Variants in MAP9 observed in about 807,000 individuals in gnomAD.
MAP9 encodes the protein microtubule-associated protein 9.
A neutral mutation model predicts 75.2 loss-of-function variants in MAP9; 80 were observed. The ratio of observed to expected loss-of-function variants is 1.06; its 90% CI spans 0.89 to 1.28. MAP9 has a LOEUF of 1.28. Ranked by LOEUF, MAP9 falls within the 50% of genes most tolerant of loss-of-function variation. The pLI, the probability that MAP9 is intolerant of heterozygous loss-of-function variation, is 0.00. For synonymous variants in MAP9, 235 were observed against 237.3 expected, an observed-to-expected ratio of 0.99 and a Z score of 0.09; for missense variants, 753 against 719.9, an observed-to-expected ratio of 1.05 and a Z score of -0.53.
chr4:155,369,069 T>C (rs1286276871), intron 4 of MAP9, among the ~76,000 whole-genome samples: 2 of 152,126 alleles, frequency 1.3e-5, no homozygotes, highest in Non-Finnish European at 2.9e-5. Flanking sequence ...ACGCCTGTAA[T>C]CCCAGCACGT....
At chr4:155,367,234 G>T (rs902918780) in intron 5 of MAP9, 2 of 152,196 alleles carry the variant, frequency 1.3e-5, no homozygotes, top group Non-Finnish European at 2.9e-5. Flanking sequence ...AATGCCTGGT[G>T]TCTTTTTTTA....
At chr4:155,375,257 G>A (rs1450431696) in intron 2 of MAP9, among the ~76,000 whole-genome samples, 1 of 152,150 alleles carries the variant, frequency 6.6e-6, no homozygotes, top group Non-Finnish European at 1.5e-5. Context: ...TTAACTAGAG[G>A]AGACACACAT....
At chr4:155,358,635 G>A (rs1731914551) in intron 7 of MAP9, among the ~76,000 whole-genome samples, 1 of 151,980 alleles carries the variant, frequency 6.6e-6, no homozygotes. Context: ...ATAGCACTCA[G>A]GCACAATTTA....
At chr4:155,375,942 C>T (rs1412026567) in intron 1 of MAP9, 28 bp from the exon 2 acceptor site, 2 of 815,760 alleles carry the variant, frequency 2.5e-6, no homozygotes, top group South Asian at 1.6e-5. Flanking sequence ...AATCAGACTT[C>T]GCATGCTTCA....
intron 13 of MAP9, among the ~76,000 whole-genome samples, chr4:155,348,285 C>A (rs111484914): frequency 6.6e-6 from 1 of 151,780 alleles, no homozygotes; most frequent in Admixed American, 6.6e-5. Flanking sequence ...TGCAGTGAGC[C>A]GAGATTGCAC....
In MAP9 at chr4:155,360,306, T is replaced by C. The variant is rs773769494; in HGVS notation, c.912A>G (p.Glu304=). 1.9e-6 allele frequency: 3 copies of C among 1,613,150 alleles called. No homozygotes were observed. The highest frequency in any genetic ancestry group is 2.7e-5 in the African/African-American group (2 of 74,880). The part of the protein sequence containing the change: ...HVTTAVEKSK[E]SQVTADDLEE... ...CAAGGTCATCAGCAGTCACTTGACT[T>C]TCCTTGGATTTCTCAACTGCAGTAG... The change falls in exon 7 of 14, where the codon GAA becomes GAG. Residue 304 remains glutamate, a synonymous_variant. Transcript: ENST00000311277.
chr4:155,360,218 A>G lies in MAP9; in HGVS notation c.1000T>C (p.Ser334Pro), dbSNP rs767652389. 4 of 1,612,684 alleles carry G rather than the reference A, an allele frequency of 2.5e-6. No homozygotes were observed. In the Admixed American group the frequency reaches 5.0e-5, roughly 20 times the overall value. ...GATATTAAGATACTCTGAGATTTAG[A>G]TAGTAGTGGATCAACTGTTCTGTCA... ...DDDRTVDPLL[S>P]KSQSILISTS... Residue 334 changes from serine to proline, a missense_variant, in exon 7 of 14, where the codon TCT becomes CCT. By Grantham distance (74) the Ser-to-Pro change is moderately conservative (BLOSUM62 -1). Coordinates refer to ENST00000311277, the MANE Select transcript of MAP9 (RefSeq NM_001039580.2).
In MAP9 at chr4:155,353,163, G is replaced by T; in HGVS notation, c.1542+16C>A. ...AAATGTTTTAAAATAATTAAGATGT[G>T]CAAAGTTCTGAATACTTGTAGTGCT... On this transcript the variant is annotated intron_variant, in intron 11 of 13. Coordinates refer to ENST00000311277, the MANE Select transcript of MAP9 (RefSeq NM_001039580.2). The T allele has an allele frequency of 6.4e-7, 1 of 1,567,448 alleles. No homozygotes were observed. Among genetic ancestry groups the T allele is most frequent in the South Asian group, 1.2e-5 (1 of 81,200 alleles).
chr4:155,373,582 A>C lies in MAP9; in HGVS notation c.161-126T>G, dbSNP rs191443941. 1.2e-5 allele frequency: 7 copies of C among 569,936 alleles called. No individual in the cohort carries two copies. The East Asian group carries it at 2.1e-4, about 17-fold the overall frequency. 35.3% of individuals were successfully genotyped at this position (569,936 alleles called of 1,614,324 possible). On this transcript the variant is annotated intron_variant, in intron 3 of 13. Coordinates refer to ENST00000311277, the MANE Select transcript of MAP9 (RefSeq NM_001039580.2). ...TCTAACAATGAATAGGCACAAATGT[A>C]TTTTATAAATAGACTTGCAGCTCTA...
chr4:155,368,904 T>C (rs1732459056), intron 4 of MAP9, 92 bp from the exon 5 acceptor site: 3 of 1,011,086 alleles, frequency 3.0e-6, no homozygotes, highest in Non-Finnish European at 4.4e-6. Context: ...CTCCTGTGCC[T>C]ATGCCCCTTT....
intron 6 of MAP9, among the ~76,000 whole-genome samples, chr4:155,360,735 G>T (rs925628023): frequency 2.6e-5 from 4 of 151,976 alleles, no homozygotes; most frequent in Non-Finnish European, 4.4e-5. Flanking sequence ...AAGTAAGTGA[G>T]ATGACAATAT....
At chr4:155,366,534 C>T (rs1025344505) in intron 5 of MAP9, among the ~76,000 whole-genome samples, 3 of 151,966 alleles carry the variant, frequency 2.0e-5, no homozygotes, top group African/African-American at 7.3e-5. Context: ...ATGACAAAGC[C>T]GAAGTGGTTC....
chr4:155,361,784 G>C (rs1732092023), intron 6 of MAP9, among the ~76,000 whole-genome samples: 1 of 151,906 alleles, frequency 6.6e-6, no homozygotes, highest in African/African-American at 2.4e-5. Flanking sequence ...CTATTAACTA[G>C]GCTAATGGCT....
At chr4:155,371,286 G>GA (rs910985330) in intron 4 of MAP9, among the ~76,000 whole-genome samples, 45 of 141,024 alleles carry the variant, frequency 3.2e-4, no homozygotes, top group Middle Eastern at 3.6e-3. Flanking sequence ...AACCTGTACA[G>GA]AAAAAAAAAA....
In MAP9 at chr4:155,362,112, T is replaced by C; in HGVS notation, c.738A>G (p.Ser246=). 1.3e-6 allele frequency: 2 copies of C among 1,596,546 alleles called. No individual in the cohort carries two copies. The highest frequency in any genetic ancestry group is 1.7e-6 in the Non-Finnish European group (2 of 1,174,548). ...AATCTCCAAGAATTTGTTTAAGTGA[T>C]GATGATGCTAGACTTGTTAAGCATG... is the stretch of plus-strand genomic sequence containing the variant. ...EDSCLTSLAS[S]SLKQILGDSF... Residue 246 remains serine, a synonymous_variant, in exon 6 of 14, where the codon TCA becomes TCG. Coordinates refer to ENST00000311277, the MANE Select transcript of MAP9 (RefSeq NM_001039580.2).
intron 5 of MAP9, among the ~76,000 whole-genome samples, chr4:155,365,432 T>C (rs575322767): frequency 1.1e-3 from 174 of 152,116 alleles, no homozygotes; most frequent in Non-Finnish European, 1.9e-3. Flanking sequence ...TACCCCTAAG[T>C]TGGTAACGGG....
chr4:155,357,284 TCAAC>T, intron 8 of MAP9, 161 bp downstream of exon 8: 3 of 602,250 alleles, frequency 5.0e-6, no homozygotes, highest in Non-Finnish European at 8.8e-6. Flanking sequence ...AATAATATCA[TCAAC>T]CAAGGGGTTT....
chr4:155,364,578 A>G (rs1732240163), intron 5 of MAP9, among the ~76,000 whole-genome samples: 1 of 148,360 alleles, frequency 6.7e-6, no homozygotes, highest in Non-Finnish European at 1.5e-5. Flanking sequence ...TATACAATAT[A>G]TAATACAGTA....
intron 13 of MAP9, among the ~76,000 whole-genome samples, chr4:155,350,623 T>G (rs1731471111): frequency 2.0e-5 from 3 of 152,042 alleles, no homozygotes; most frequent in African/African-American, 7.2e-5. Context: ...TTTAACAGAT[T>G]AACTTAAGGA....
Sources: gnomAD v4.1 joint callset for allele counts (sites outside exome capture counted in the v4.1 genomes callset) on GRCh38, gnomAD v4.1.1 for gene constraint, MANE v1.5 for transcripts, NCBI Gene and HGNC (gene_info 2026-07-23, HGNC 2026-07-21) for gene names.